Variants in BNC2 observed in about 807,000 individuals in gnomAD.
BNC2 encodes the protein zinc finger protein basonuclin-2.
In BNC2, 20 loss-of-function variants were observed where a neutral mutation model predicts 76.3. The ratio of observed to expected loss-of-function variants is 0.26; its 90% CI spans 0.18 to 0.38. The LOEUF (loss-of-function observed/expected upper bound fraction) is 0.38. Among genes scored for constraint, BNC2 ranks in the 10% least tolerant of loss-of-function variants. The pLI is 1.00. For synonymous variants in BNC2, 582 were observed against 514.8 expected (o/e 1.13, Z -1.77); for missense variants, 1,382 against 1,399.8 (o/e 0.99, Z 0.20).
intron 1 of BNC2, among the ~76,000 whole-genome samples, chr9:16,748,149 A>G (rs919086899): frequency 2.0e-5 from 3 of 152,210 alleles, no homozygotes; most frequent in African/African-American, 7.2e-5. Flanking sequence ...AGAGAGTAGA[A>G]AAGAAAAACT....
chr9:16,439,084 T>G (rs1821076460), intron 5 of BNC2, among the ~76,000 whole-genome samples: 1 of 152,190 alleles, frequency 6.6e-6, no homozygotes, highest in South Asian at 2.1e-4. Context: ...CTGCGCATGC[T>G]CTTGCCTGCT....
intron 4 of BNC2, among the ~76,000 whole-genome samples, chr9:16,581,574 G>A (rs900753556): frequency 2.0e-5 from 3 of 152,162 alleles, no homozygotes; most frequent in African/African-American, 7.2e-5. Flanking sequence ...AGAAGCCTCA[G>A]AATGAAACCA....
chr9:16,561,402 A>T (rs1055453118), intron 4 of BNC2, among the ~76,000 whole-genome samples: 1 of 152,180 alleles, frequency 6.6e-6, no homozygotes, highest in African/African-American at 2.4e-5. Flanking sequence ...CTCCACTGGG[A>T]CATGACTTAA....
chr9:16,540,206 A>G (rs1818277017), intron 5 of BNC2, among the ~76,000 whole-genome samples: 1 of 146,690 alleles, frequency 6.8e-6, no homozygotes, highest in African/African-American at 2.5e-5. Context: ...AACCCAGGGT[A>G]ACCAGAAGTT....
At chr9:16,706,778 GGAATTATACTTGACT>G (rs1563908528) in intron 3 of BNC2, among the ~76,000 whole-genome samples, 1 of 152,046 alleles carries the variant, frequency 6.6e-6, no homozygotes, top group Non-Finnish European at 1.5e-5. Flanking sequence ...TTAAAAAAAA[GGAATTATACTTGACT>G]GGGGGGAGGG....
chr9:16,580,176 T>A (rs554655733), intron 4 of BNC2: 2 of 398,422 alleles, frequency 5.0e-6, no homozygotes, highest in Admixed American at 4.4e-5. Flanking sequence ...ATGAAGCAAT[T>A]AGTTGTAATG....
chr9:16,602,536 A>G (rs1186467596), intron 3 of BNC2, among the ~76,000 whole-genome samples: 1 of 152,220 alleles, frequency 6.6e-6, no homozygotes, highest in African/African-American at 2.4e-5. Flanking sequence ...AAAATCTACA[A>G]TGTCTTTTCA....
intron 5 of BNC2, among the ~76,000 whole-genome samples, chr9:16,461,398 C>T (rs1821576811): frequency 6.6e-6 from 1 of 152,110 alleles, no homozygotes; most frequent in Non-Finnish European, 1.5e-5. Flanking sequence ...AACAGAGAAG[C>T]CACTTGAATG....
rs1371606315 is a variant in BNC2 at position 16,409,938 on chromosome 9, T to G, written c.*9051A>C. 6.6e-6 allele frequency: 1 copy of G among 151,444 alleles called. No homozygotes were observed. Among genetic ancestry groups the G allele is most frequent in the Non-Finnish European group, 1.5e-5 (1 of 67,584 alleles). 9.4% of individuals were successfully genotyped at this position (151,444 alleles called of 1,614,324 possible). ...GAACAATATAAACAAAAAAAAGGAA[T>G]AAACAGCTAAACTCTGGGAGAGGGA... On this transcript the variant is annotated 3_prime_UTR_variant, in exon 7 of 7. Coordinates refer to ENST00000380672, the MANE Select transcript of BNC2 (RefSeq NM_017637.6).
chr9:16,722,430 G>C (rs1257080167), intron 3 of BNC2, among the ~76,000 whole-genome samples: 2 of 152,056 alleles, frequency 1.3e-5, no homozygotes, highest in African/African-American at 2.4e-5. Flanking sequence ...TGAATAATTG[G>C]ATTTATCAGT....
intron 2 of BNC2, among the ~76,000 whole-genome samples, chr9:16,735,112 G>A (rs1020326728): frequency 1.3e-5 from 2 of 152,176 alleles, no homozygotes; most frequent in African/African-American, 4.8e-5. Context: ...TTTGAGTAGG[G>A]TATGGTAGAT....
intron 1 of BNC2, among the ~76,000 whole-genome samples, chr9:16,792,104 CA>C (rs35590121): frequency 1.7e-3 from 213 of 127,124 alleles, no homozygotes; most frequent in African/African-American, 3.3e-3. Context: ...CTTGACCCTC[CA>C]AAAAAAAAAA....
At chr9:16,646,534 G>C (rs1821631585) in intron 3 of BNC2, among the ~76,000 whole-genome samples, 1 of 152,126 alleles carries the variant, frequency 6.6e-6, no homozygotes, top group South Asian at 2.1e-4. Context: ...TAAAGTTCTT[G>C]AACAGGTAAA....
At chr9:16,610,243 T>A (rs1204798125) in intron 3 of BNC2, among the ~76,000 whole-genome samples, 1 of 152,116 alleles carries the variant, frequency 6.6e-6, no homozygotes, top group African/African-American at 2.4e-5. Context: ...TCCGAAGCAT[T>A]TTAAATTATG....
chr9:16,845,006 G>C (rs566650281), intron 1 of BNC2, among the ~76,000 whole-genome samples: 92 of 152,182 alleles, frequency 6.0e-4, no homozygotes, highest in Middle Eastern at 3.4e-3. Flanking sequence ...CACTGTGTAG[G>C]TAGTAGCATC....
At chr9:16,810,692 G>C (rs369450103) in intron 1 of BNC2, among the ~76,000 whole-genome samples, 13 of 152,188 alleles carry the variant, frequency 8.5e-5, no homozygotes, top group African/African-American at 2.7e-4. Context: ...ATCACACATA[G>C]TAAGGATAAG....
intron 4 of BNC2, among the ~76,000 whole-genome samples, chr9:16,560,070 T>C (rs2132660535): frequency 6.6e-6 from 1 of 152,342 alleles, no homozygotes; most frequent in Admixed American, 6.5e-5. Context: ...ACTCATTGTG[T>C]GCATCAGAAT....
Position 16,415,135 on chromosome 9 carries a change from CT to C in BNC2, c.*3853del, listed in dbSNP as rs1395358187. 6.6e-6 allele frequency: 1 copy of C among 152,130 alleles called. No homozygotes were observed. Among genetic ancestry groups the C allele is most frequent in the East Asian group, 1.9e-4 (1 of 5,190 alleles). 9.4% of individuals were successfully genotyped at this position (152,130 alleles called of 1,614,324 possible). ...CTTTAAACCTTTAAAAGGCATCAGG[CT>C]GAACAGGGCAGCTGGACTAAGATCT... On this transcript the variant is annotated 3_prime_UTR_variant, in exon 7 of 7. Transcript: ENST00000380672.
chr9:16,715,680 A>C (rs943251021), intron 3 of BNC2, among the ~76,000 whole-genome samples: 1 of 152,216 alleles, frequency 6.6e-6, no homozygotes, highest in African/African-American at 2.4e-5. Flanking sequence ...ACCTGGTAAC[A>C]ATCGGCTGGA....
Sources: allele counts gnomAD v4.1 joint callset (sites outside exome capture counted in the v4.1 genomes callset), GRCh38; gene constraint gnomAD v4.1.1; transcripts MANE v1.5; gene names NCBI Gene and HGNC (gene_info 2026-07-23, HGNC 2026-07-21).